Variants in CD36 observed in about 807,000 individuals in gnomAD.
CD36 encodes the protein platelet glycoprotein 4.
Under a neutral mutation model 55.2 loss-of-function variants are expected in CD36, and 119 were observed. That is an observed-to-expected ratio of 2.15 (90% confidence interval 1.86 to 2.51). The LOEUF (loss-of-function observed/expected upper bound fraction) is 2.51, where lower values mean the gene tolerates loss of function less well. CD36 is among the 30% of genes most tolerant of loss of function. The pLI is 0.00. For missense variants in CD36, 819 were observed against 555.5 expected (o/e 1.47, Z -4.77); for synonymous variants, 186 against 193.6 (o/e 0.96, Z 0.33).
Position 80,663,053 on chromosome 7 carries a change from TC to T in CD36, c.494del (p.Ser165Ter). 5.0e-6 allele frequency: 8 copies of T among 1,613,442 alleles called. No individual in the cohort carries two copies. The highest frequency in any genetic ancestry group is 6.8e-6 in the Non-Finnish European group (8 of 1,179,508). The stretch of plus-strand genomic sequence containing the variant: ...GATCCTCAATTCACTTATTAACAAG[TC>T]AAAATCTTCTATGTTCCAAGTCAGA... ...QMILNSLINK[S>X]KSSMFQVRTL... On this transcript the variant is annotated frameshift_variant, in exon 6 of 15. Transcript: ENST00000447544. LOFTEE classifies it high-confidence loss of function.
At chr7:80,616,421 CTGTGTGTGTGTGTG>C (rs143980767) in intron 1 of CD36, among the ~76,000 whole-genome samples, 1 of 145,434 alleles carries the variant, frequency 6.9e-6, no homozygotes, top group Non-Finnish European at 1.5e-5. Context: ...TGGGGACCAT[CTGTGTGTGTGTGTG>C]TGTGTGTGTG....
At position 80,663,188 on chromosome 7, in the gene CD36, TGGC is replaced by T; in HGVS notation, c.609+20_609+22del. 6.3e-7 allele frequency: 1 copy of T among 1,586,386 alleles called. No homozygotes were observed. Among genetic ancestry groups the T allele is most frequent in the Non-Finnish European group, 8.7e-7 (1 of 1,154,804 alleles). On this transcript the variant is annotated intron_variant, in intron 6 of 14. Transcript: ENST00000447544. ...TTATCCTGTAAGTACCAAATATGAA[TGGC>T]AATATTATTACATTTTAATTTAATT...
At chr7:80,655,151 AT>A (rs1395453882) in intron 3 of CD36, among the ~76,000 whole-genome samples, 4 of 152,282 alleles carry the variant, frequency 2.6e-5, no homozygotes, top group Admixed American at 2.0e-4. Flanking sequence ...CTTTAGGCTC[AT>A]TTTCCATGAA....
chr7:80,666,348 T>C, intron 7 of CD36, 95 bp from the exon 8 acceptor site: 2 of 813,214 alleles, frequency 2.5e-6, no homozygotes, highest in East Asian at 2.7e-5. Flanking sequence ...AAATGCATCA[T>C]ATTAACAGAA....
chr7:80,673,926 G>C (rs1481132679), intron 13 of CD36, 57 bp from the exon 14 acceptor site: 25 of 1,294,238 alleles, frequency 1.9e-5, no homozygotes, highest in Non-Finnish European at 2.7e-5. Context: ...GCAATTGAAG[G>C]GTTTATTTTG....
At chr7:80,668,363 G>A (rs954776746) in intron 8 of CD36, among the ~76,000 whole-genome samples, 3 of 152,164 alleles carry the variant, frequency 2.0e-5, no homozygotes, top group African/African-American at 7.2e-5. Context: ...GACAGAGCAG[G>A]GGATGATCCC....
At chr7:80,615,753 C>A (rs764856121) in intron 1 of CD36, among the ~76,000 whole-genome samples, 1 of 152,248 alleles carries the variant, frequency 6.6e-6, no homozygotes, top group Non-Finnish European at 1.5e-5. Context: ...TTCAGAATTT[C>A]TCCCAAAATA....
At chr7:80,674,209 T>G (rs2116921409) in intron 14 of CD36, 62 bp downstream of exon 14, 1 of 1,226,748 alleles carries the variant, frequency 8.2e-7, no homozygotes, top group East Asian at 2.5e-5. Flanking sequence ...TTGTTTTCAC[T>G]TTATCAAAGA....
chr7:80,646,724 C>T lies in CD36; in HGVS notation c.-17C>T, dbSNP rs781743513. The T allele has an allele frequency of 6.8e-6, 11 of 1,613,772 alleles. No individual in the cohort carries two copies. The highest frequency in any genetic ancestry group is 1.3e-5 in the African/African-American group (1 of 74,992). On this transcript the variant is annotated 5_prime_UTR_variant, in exon 3 of 15. Coordinates refer to ENST00000447544, the MANE Select transcript of CD36 (RefSeq NM_001001548.3). ...GAAACAGGTGCTTAACACTAATTCA[C>T]CTCCTGAACAAGAAAAATGGGCTGT...
chr7:80,632,351 T>C (rs1321061762), intron 1 of CD36, among the ~76,000 whole-genome samples: 2 of 151,962 alleles, frequency 1.3e-5, no homozygotes, highest in Admixed American at 6.6e-5. Context: ...TCTTAGAAAC[T>C]TCACCCCACA....
chr7:80,636,657 T>C (rs1042040226), upstream of CD36, among the ~76,000 whole-genome samples: 1 of 152,130 alleles, frequency 6.6e-6, no homozygotes, highest in African/African-American at 2.4e-5. Flanking sequence ...GCAAGGTATA[T>C]GCTCACATAA....
chr7:80,607,419 T>C (rs990978286), intron 1 of CD36, among the ~76,000 whole-genome samples: 1 of 152,176 alleles, frequency 6.6e-6, no homozygotes, highest in Non-Finnish European at 1.5e-5. Flanking sequence ...TAGCAAAAGC[T>C]ACAAATAGGA....
chr7:80,602,384 G>A (rs972334859), intron 1 of CD36: 1 of 152,112 alleles, frequency 6.6e-6, no homozygotes, highest in Admixed American at 6.6e-5. Context: ...AAGTTGGTGA[G>A]CAGAATGCTT....
At chr7:80,650,020 G>GA (rs1795478009) in intron 3 of CD36, among the ~76,000 whole-genome samples, 1 of 151,976 alleles carries the variant, frequency 6.6e-6, no homozygotes, top group Non-Finnish European at 1.5e-5. Context: ...AAAGAAGGGG[G>GA]AATTAAATCA....
chr7:80,647,234 T>C (rs1795235555), intron 3 of CD36: 1 of 269,776 alleles, frequency 3.7e-6, no homozygotes, highest in Non-Finnish European at 7.3e-6. Flanking sequence ...AGTTGCACTT[T>C]AGTTAATACT....
intron 12 of CD36, 91 bp downstream of exon 12, chr7:80,672,934 G>A: frequency 1.2e-6 from 1 of 829,860 alleles, no homozygotes; most frequent in South Asian, 1.4e-5. Flanking sequence ...TAAGTAAGTG[G>A]AAATAACATC....
At chr7:80,655,163 A>T (rs1015244708) in intron 3 of CD36, among the ~76,000 whole-genome samples, 8 of 152,154 alleles carry the variant, frequency 5.3e-5, no homozygotes, top group Admixed American at 2.0e-4. Context: ...TTTCCATGAA[A>T]TAGTTGTATT....
chr7:80,647,033 T>A, intron 3 of CD36, 173 bp downstream of exon 3: 1 of 637,230 alleles, frequency 1.6e-6, no homozygotes, highest in Non-Finnish European at 2.7e-6. Context: ...TGTGAAATGT[T>A]ATAAGTATAA....
At chr7:80,670,627 GTCTT>G in intron 9 of CD36, 1 of 310,440 alleles carries the variant, frequency 3.2e-6, no homozygotes, top group South Asian at 3.5e-5. Flanking sequence ...CCAGTGAGTG[GTCTT>G]TCTTTCCAGG....
Sources: allele counts gnomAD v4.1 joint callset (sites outside exome capture counted in the v4.1 genomes callset), GRCh38; gene constraint gnomAD v4.1.1; transcripts MANE v1.5; gene names NCBI Gene and HGNC (gene_info 2026-07-23, HGNC 2026-07-21).